ARGFX: variants seen among roughly 807,000 people sequenced by gnomAD.
ARGFX encodes arginine-fifty homeobox.
Under a neutral mutation model 8.0 loss-of-function variants are expected in ARGFX, and 10 were observed. The observed-to-expected ratio is 1.25, with a 90% CI of 0.77 to 2.12. ARGFX has a LOEUF of 2.12. ARGFX is among the 30% of genes most tolerant of loss of function. The pLI is 0.00. For missense variants in ARGFX, 282 were observed against 324.3 expected (o/e 0.87, Z 1.00); for synonymous variants, 116 against 117.8 (o/e 0.98, Z 0.10).
At chr3:121,580,787 G>A (rs1460227529) in intron 3 of ARGFX, among the ~76,000 whole-genome samples, 1 of 151,254 alleles carries the variant, frequency 6.6e-6, no homozygotes, top group Non-Finnish European at 1.5e-5. Flanking sequence ...TGTATTTTTA[G>A]TAGAGACAGT....
At position 121,587,857 on chromosome 3, in the gene ARGFX, C is replaced by T. The variant is rs947213430; in HGVS notation, c.*1257C>T. Among the ~76,000 whole-genome samples the T allele has an allele frequency of 9.9e-5, 15 of 151,864 alleles. No individual in the cohort carries two copies. Among genetic ancestry groups the T allele is most frequent in the African/African-American group, 3.6e-4 (15 of 41,354 alleles). On this transcript the variant is annotated 3_prime_UTR_variant, in exon 5 of 5. Transcript: ENST00000334384. ...TATTTTTAGTGGAGATGGGGTTTCG[C>T]CTTGTTGCCCAGGCTGAATTTGGGT...
intron 3 of ARGFX, 55 bp from the exon 4 acceptor site, chr3:121,584,862 G>A: frequency 6.4e-7 from 1 of 1,563,784 alleles, no homozygotes. Context: ...TTTTGGTTGG[G>A]GGGAGAGATT....
intron 3 of ARGFX, among the ~76,000 whole-genome samples, chr3:121,579,585 C>A (rs981262962): frequency 3.9e-5 from 6 of 152,152 alleles, no homozygotes; most frequent in African/African-American, 9.7e-5. Flanking sequence ...TCAGGGAGCC[C>A]ACTTGTCCTT....
intron 2 of ARGFX, among the ~76,000 whole-genome samples, chr3:121,572,543 G>A (rs766786107): frequency 7.2e-5 from 11 of 152,050 alleles, no homozygotes; most frequent in Non-Finnish European, 1.6e-4. Flanking sequence ...ACCACTGCCC[G>A]GCCAGGCTTA....
At chr3:121,574,690 C>T (rs779516547) in intron 2 of ARGFX, among the ~76,000 whole-genome samples, 5 of 152,170 alleles carry the variant, frequency 3.3e-5, no homozygotes, top group Non-Finnish European at 5.9e-5. Flanking sequence ...TCCTGCTGTG[C>T]GGACCAGTTC....
intron 4 of ARGFX, 23 bp downstream of exon 4, chr3:121,585,088 T>C (rs766773983): frequency 4.6e-5 from 74 of 1,611,400 alleles, no homozygotes; most frequent in Non-Finnish European, 5.9e-5. Context: ...GTGGTGTGCT[T>C]GGTACCCCCA....
At chr3:121,574,996 A>T (rs946402213) in intron 2 of ARGFX, among the ~76,000 whole-genome samples, 33 of 152,202 alleles carry the variant, frequency 2.2e-4, no homozygotes, top group Admixed American at 2.6e-4. Flanking sequence ...CAGTGGTTTT[A>T]AAAAAATAAG....
intron 3 of ARGFX, among the ~76,000 whole-genome samples, chr3:121,578,693 CAG>C (rs1285173720): frequency 1.8e-4 from 25 of 140,314 alleles, no homozygotes; most frequent in African/African-American, 5.8e-4. Context: ...TTTTTTTAAA[CAG>C]AGTCTCGCTC....
In ARGFX at chr3:121,586,707, T is replaced by C. The variant is rs2048815093; in HGVS notation, c.*107T>C. On this transcript the variant is annotated 3_prime_UTR_variant, in exon 5 of 5. Coordinates refer to ENST00000334384, the MANE Select transcript of ARGFX (RefSeq NM_001012659.2). ...TTTTAACCCAACATCTGGGTCTGTGTCTCTGATTTCCATGTAAATGTTGCA... is the reference window on the plus strand; with the variant it reads ...TTTTAACCCAACATCTGGGTCTGTGCCTCTGATTTCCATGTAAATGTTGCA... 1 of 951,192 alleles carries C rather than the reference T, an allele frequency of 1.1e-6. No individual in the cohort carries two copies. Among genetic ancestry groups the C allele is most frequent in the African/African-American group, 1.7e-5 (1 of 60,482 alleles). The allele number at this position is 951,192 out of a possible 1,614,324, so 58.9% of individuals were successfully genotyped here.
intron 3 of ARGFX, among the ~76,000 whole-genome samples, chr3:121,577,613 G>A (rs2048751610): frequency 6.6e-6 from 1 of 151,770 alleles, no homozygotes; most frequent in Non-Finnish European, 1.5e-5. Context: ...CATTTTCAGT[G>A]ACATACTCTA....
rs1234132707 is a variant in ARGFX, at chr3:121,577,257, ATATTTT to A, written c.220+359_220+364del. Among the ~76,000 whole-genome samples the A allele has an allele frequency of 3.4e-4, 19 of 56,434 alleles. 1 individual carries two copies. The highest frequency in any genetic ancestry group is 5.8e-4 in the Non-Finnish European group (17 of 29,098). 37.0% of individuals were successfully genotyped at this position (56,434 alleles called of 152,430 possible). ...TATATATATATATATATATATATATATATTTTTTTTTTTTTAAATGGAGTCTCACTT... is the reference window on the plus strand; with the variant it reads ...TATATATATATATATATATATATATATTTTTTTTTAAATGGAGTCTCACTT... On this transcript the variant is annotated intron_variant, in intron 3 of 4. Coordinates refer to ENST00000334384, the MANE Select transcript of ARGFX (RefSeq NM_001012659.2).
At chr3:121,573,613 T>A (rs371907267) in intron 2 of ARGFX, among the ~76,000 whole-genome samples, 2 of 149,704 alleles carry the variant, frequency 1.3e-5, no homozygotes, top group African/African-American at 4.9e-5. Flanking sequence ...AAAAATCCAA[T>A]TAAAAATGGG....
At chr3:121,574,618 G>A (rs983265044) in intron 2 of ARGFX, among the ~76,000 whole-genome samples, 2 of 152,216 alleles carry the variant, frequency 1.3e-5, no homozygotes, top group African/African-American at 2.4e-5. Context: ...TGGCAATAAT[G>A]TGAGCTATGG....
chr3:121,569,684 A>G (rs1375591174), intron 1 of ARGFX, among the ~76,000 whole-genome samples: 1 of 152,174 alleles, frequency 6.6e-6, no homozygotes, highest in Non-Finnish European at 1.5e-5. Context: ...GAAATTTGAA[A>G]TCATATGAAT....
At chr3:121,568,088 G>C (rs2048683651) in intron 1 of ARGFX, among the ~76,000 whole-genome samples, 75 bp downstream of exon 1, 2 of 152,030 alleles carry the variant, frequency 1.3e-5, no homozygotes, top group Non-Finnish European at 1.5e-5. Flanking sequence ...AAAAATCAAA[G>C]GAGCAATATT....
chr3:121,570,887 T>A, intron 2 of ARGFX, 71 bp downstream of exon 2: 5 of 1,049,444 alleles, frequency 4.8e-6, no homozygotes, highest in Non-Finnish European at 5.3e-6. Flanking sequence ...ACAATTGCAT[T>A]TTGCATTTGT....
At chr3:121,571,553 ATATTATTAT>A (rs139923317) in intron 2 of ARGFX, among the ~76,000 whole-genome samples, 1 of 148,258 alleles carries the variant, frequency 6.7e-6, no homozygotes, top group Non-Finnish European at 1.5e-5. Flanking sequence ...GGAAGGCTTA[ATATTATTAT>A]TATTATTATT....
intron 3 of ARGFX, among the ~76,000 whole-genome samples, chr3:121,581,478 A>G (rs543200473): frequency 6.6e-6 from 1 of 152,324 alleles, no homozygotes; most frequent in South Asian, 2.1e-4. Flanking sequence ...ATTTCATGAG[A>G]AATACTTGAT....
intron 2 of ARGFX, among the ~76,000 whole-genome samples, chr3:121,571,730 A>ATT (rs1173636701): frequency 2.1e-3 from 230 of 107,078 alleles, no homozygotes; most frequent in Middle Eastern, 5.1e-3. Flanking sequence ...TGCCCGGCAA[A>ATT]TTTTTTTTTT....
Sources: gnomAD v4.1 joint callset for allele counts (sites outside exome capture counted in the v4.1 genomes callset) on GRCh38, gnomAD v4.1.1 for gene constraint, MANE v1.5 for transcripts, NCBI Gene and HGNC (gene_info 2026-07-23, HGNC 2026-07-21) for gene names.